The following PCSK5 variants were observed in gnomAD, a reference collection of about 807,000 sequenced individuals.
PCSK5 encodes prohormone convertase 5.
Under a neutral mutation model 233.2 loss-of-function variants are expected in PCSK5, and 129 were observed. That is an observed-to-expected ratio of 0.55 (90% CI 0.48 to 0.64). The LOEUF (loss-of-function observed/expected upper bound fraction) is 0.64, where lower values mean the gene tolerates loss of function less well. Among genes scored for constraint, PCSK5 ranks in the 30% least tolerant of loss-of-function variants. The probability of loss-of-function intolerance (pLI) is 0.00; values close to 1 mark genes in which losing one functional copy is unlikely to be tolerated. For synonymous variants in PCSK5, 825 were observed against 879.2 expected, an observed-to-expected ratio of 0.94 and a Z score of 1.09; for missense variants, 2,076 against 2,430.1, an observed-to-expected ratio of 0.85 and a Z score of 3.06.
intron 10 of PCSK5, among the ~76,000 whole-genome samples, chr9:76,145,343 G>A (rs558483958): frequency 6.6e-6 from 1 of 152,188 alleles, no homozygotes; most frequent in South Asian, 2.1e-4. Context: ...TCCAGTAGAA[G>A]TTTCATATTT....
intron 13 of PCSK5, among the ~76,000 whole-genome samples, chr9:76,174,021 A>G (rs540921118): frequency 1.8e-4 from 27 of 152,280 alleles, no homozygotes; most frequent in Admixed American, 5.2e-4. Flanking sequence ...ACATTCTGCA[A>G]TGATGGAAAT....
At chr9:76,288,816 C>A (rs1180305007) in intron 24 of PCSK5, among the ~76,000 whole-genome samples, 1 of 152,172 alleles carries the variant, frequency 6.6e-6, no homozygotes, top group Non-Finnish European at 1.5e-5. Context: ...AAAATAAATT[C>A]TTCTTCTCTA....
intron 30 of PCSK5, among the ~76,000 whole-genome samples, chr9:76,320,860 G>T (rs1465500452): frequency 6.7e-6 from 1 of 150,032 alleles, no homozygotes; most frequent in African/African-American, 2.5e-5. Context: ...CTGTCACCAG[G>T]TTGGAGTGCA....
intron 3 of PCSK5, among the ~76,000 whole-genome samples, chr9:76,012,203 T>C (rs1157717007): frequency 2.0e-5 from 3 of 152,240 alleles, no homozygotes; most frequent in African/African-American, 7.2e-5. Flanking sequence ...TGCCATTGCT[T>C]CTAGCTATTA....
chr9:76,177,567 G>A (rs1202763602), intron 14 of PCSK5, among the ~76,000 whole-genome samples: 1 of 152,114 alleles, frequency 6.6e-6, no homozygotes. Context: ...GTTTTGCTTT[G>A]AGCCTATAGC....
intron 35 of PCSK5, among the ~76,000 whole-genome samples, chr9:76,341,144 G>A (rs1434251607): frequency 6.6e-6 from 1 of 152,002 alleles, no homozygotes; most frequent in South Asian, 2.1e-4. Context: ...AAGATCACTT[G>A]GGCAAGGGAT....
intron 2 of PCSK5, among the ~76,000 whole-genome samples, chr9:75,964,457 C>G (rs917172137): frequency 6.6e-6 from 1 of 152,048 alleles, no homozygotes; most frequent in Non-Finnish European, 1.5e-5. Context: ...TTAACCACAC[C>G]TTGAGATAAA....
Position 76,227,570 on chromosome 9 carries a change from A to G in PCSK5, c.2694A>G (p.Pro898=). 1 of 1,611,960 alleles carries G rather than the reference A, an allele frequency of 6.2e-7. No homozygotes were observed. The highest frequency in any genetic ancestry group is 8.5e-7 in the Non-Finnish European group (1 of 1,179,484). The change falls in exon 21 of 38, where the codon CCA becomes CCG. Residue 898 remains proline, a synonymous_variant. Coordinates refer to ENST00000674117, the MANE Select transcript of PCSK5 (RefSeq NM_001372043.1). The part of the protein sequence containing the change: ...CEASCAKCQG[P]TQEDCTTCPM... ...CCTCATGTGCCAAGTGCCAGGGACC[A>G]ACCCAGGAAGACTGCACTACCTGCC... is the stretch of plus-strand genomic sequence containing the variant.
chr9:76,239,761 G>A (rs1265350615), intron 23 of PCSK5, among the ~76,000 whole-genome samples: 2 of 151,960 alleles, frequency 1.3e-5, no homozygotes, highest in African/African-American at 4.8e-5. Flanking sequence ...GGCGGGTGGG[G>A]GGATTGTGGA....
intron 31 of PCSK5, 149 bp from the exon 32 acceptor site, chr9:76,322,903 A>C: frequency 1.6e-6 from 1 of 611,106 alleles, no homozygotes; most frequent in Non-Finnish European, 2.9e-6. Flanking sequence ...GTTAGACATC[A>C]AGTCTATGCC....
In PCSK5 at chr9:76,029,126, TGCTGTCTGA is replaced by T. The variant is rs537211154; in HGVS notation, c.632+2099_632+2107del. Among the ~76,000 whole-genome samples the T allele has an allele frequency of 3.7e-4, 56 of 152,286 alleles. 3 individuals carry two copies. The South Asian group carries it at 0.012, about 32-fold the overall frequency. On this transcript the variant is annotated intron_variant, in intron 5 of 37. Transcript: ENST00000674117. ...GGTGAGAGGAGCTGAACCGCTTTGC[TGCTGTCTGA>T]GCTGTCTGACCATACTTAACGCAGG...
At chr9:76,220,526 C>CA (rs57063521) in intron 20 of PCSK5, among the ~76,000 whole-genome samples, 2,228 of 100,480 alleles carry the variant, frequency 0.022, 121 homozygotes, top group African/African-American at 0.078. Flanking sequence ...GACTCTGTCT[C>CA]AAAAAAAAAA....
chr9:76,071,643 C>G, intron 6 of PCSK5, 83 bp from the exon 7 acceptor site: 2 of 1,131,298 alleles, frequency 1.8e-6, no homozygotes, highest in South Asian at 1.6e-5. Flanking sequence ...TGTATTCTTC[C>G]CCCCGAGAAT....
At chr9:75,892,559 C>G (rs1259941319) in intron 1 of PCSK5, among the ~76,000 whole-genome samples, 3 of 152,214 alleles carry the variant, frequency 2.0e-5, no homozygotes, top group African/African-American at 7.2e-5. Flanking sequence ...ACCCTGCGTG[C>G]TCTGCCAGGG....
chr9:75,922,283 A>G lies in PCSK5; in HGVS notation c.193-10096A>G, dbSNP rs1404653225. On this transcript the variant is annotated intron_variant, in intron 1 of 37. Coordinates refer to ENST00000674117, the MANE Select transcript of PCSK5 (RefSeq NM_001372043.1). The stretch of plus-strand genomic sequence containing the variant: ...AAGAGTTCCCAAGGATTATTCTGCT[A>G]AAGTATTCTGATTTTAAGCTACTTT... Among the ~76,000 whole-genome samples, 5 of 152,212 alleles carry G rather than the reference A, an allele frequency of 3.3e-5. No homozygotes were observed. The East Asian group carries it at 5.8e-4, about 18-fold the overall frequency.
At chr9:76,237,308 T>C (rs1369627786) in intron 22 of PCSK5, among the ~76,000 whole-genome samples, 1 of 152,184 alleles carries the variant, frequency 6.6e-6, no homozygotes, top group Non-Finnish European at 1.5e-5. Context: ...TAGAGGATAA[T>C]CTCTTCTATG....
chr9:76,065,196 T>G (rs1830241359), intron 5 of PCSK5, among the ~76,000 whole-genome samples: 2 of 152,248 alleles, frequency 1.3e-5, no homozygotes, highest in South Asian at 4.1e-4. Context: ...CTAGATCTAT[T>G]TTTAGGTTTT....
At chr9:76,189,591 A>C (rs1376202120) in intron 19 of PCSK5, 40 bp from the exon 20 acceptor site, 1 of 1,198,018 alleles carries the variant, frequency 8.3e-7, no homozygotes, top group African/African-American at 1.5e-5. Flanking sequence ...TCCCCTGTGC[A>C]TGTGTGAATG....
chr9:75,940,867 A>G (rs942716965), intron 2 of PCSK5, among the ~76,000 whole-genome samples: 3 of 152,218 alleles, frequency 2.0e-5, no homozygotes, highest in Non-Finnish European at 2.9e-5. Context: ...AACCATTTAC[A>G]AGCTTTTTAC....
Sources: gnomAD v4.1 joint callset for allele counts (sites outside exome capture counted in the v4.1 genomes callset) on GRCh38, gnomAD v4.1.1 for gene constraint, MANE v1.5 for transcripts, NCBI Gene and HGNC (gene_info 2026-07-23, HGNC 2026-07-21) for gene names.